The following PIK3R3 variants were observed in gnomAD, a reference collection of about 807,000 sequenced individuals.
PIK3R3 encodes the protein phosphoinositide-3-kinase regulatory subunit 3, also known as phosphatidylinositol 3-kinase regulatory subunit gamma.
A neutral mutation model predicts 62.9 loss-of-function variants in PIK3R3; 64 were observed. The ratio of observed to expected loss-of-function variants is 1.02; its 90% confidence interval spans 0.83 to 1.25. PIK3R3 has a LOEUF of 1.25. Ranked by LOEUF, PIK3R3 falls within the 50% of genes most tolerant of loss-of-function variation. The pLI, the probability that PIK3R3 is intolerant of heterozygous loss-of-function variation, is 0.00. For missense variants in PIK3R3, 614 were observed against 561.6 expected, an observed-to-expected ratio of 1.09 and a Z score of -0.94; for synonymous variants, 165 against 189.0, an observed-to-expected ratio of 0.87 and a Z score of 1.04.
At chr1:46,137,616 ACC>A (rs1655977155), upstream of PIK3R3, among the ~76,000 whole-genome samples, 1 of 152,108 alleles carries the variant, frequency 6.6e-6, no homozygotes, top group African/African-American at 2.4e-5. Flanking sequence ...GCTCACACAG[ACC>A]CCTGTGCTGG....
the PIK3R3 span, among the ~76,000 whole-genome samples, chr1:46,156,962 C>T: frequency 6.6e-6 from 1 of 152,188 alleles, no homozygotes; most frequent in Admixed American, 6.5e-5. Flanking sequence ...CTGCAACTCC[C>T]TCCACTCCAA....
At chr1:46,130,689 TAC>T (rs1350775596) in intron 1 of PIK3R3, among the ~76,000 whole-genome samples, 1 of 152,178 alleles carries the variant, frequency 6.6e-6, no homozygotes, top group Non-Finnish European at 1.5e-5. Context: ...TTTCCAAAAA[TAC>T]AGTCTTATAA....
At chr1:46,066,847 A>C (rs1157831933) in intron 4 of PIK3R3, 64 bp downstream of exon 4, 1 of 1,262,436 alleles carries the variant, frequency 7.9e-7, no homozygotes, top group Non-Finnish European at 1.2e-6. Flanking sequence ...CTGGTAAATA[A>C]AATCAAATAA....
At chr1:46,114,396 C>T (rs894481914) in intron 1 of PIK3R3, among the ~76,000 whole-genome samples, 1 of 152,178 alleles carries the variant, frequency 6.6e-6, no homozygotes, top group Non-Finnish European at 1.5e-5. Flanking sequence ...TACCGCCTCC[C>T]CTCACTGGTA....
chr1:46,132,621 G>C lies in PIK3R3; in HGVS notation c.-669C>G, dbSNP rs1050193819. ...ACCCGACCGCACCAACTGCCCTCAA[G>C]CTCTGCCCGGACTCCAGCCACTAGA... On this transcript the variant is annotated 5_prime_UTR_variant, in exon 1 of 10. Coordinates refer to ENST00000262741, the MANE Select transcript of PIK3R3 (RefSeq NM_003629.4). 1.1e-5 allele frequency: 14 copies of C among 1,289,552 alleles called. No homozygotes were observed. Among genetic ancestry groups the C allele is most frequent in the Non-Finnish European group, 1.3e-5 (13 of 988,802 alleles). The allele number at this position is 1,289,552 out of a possible 1,614,324, so 79.9% of individuals were successfully genotyped here.
At chr1:46,060,116 A>T (rs1182437294) in intron 6 of PIK3R3, among the ~76,000 whole-genome samples, 1 of 151,718 alleles carries the variant, frequency 6.6e-6, no homozygotes, top group Admixed American at 6.6e-5. Context: ...AAATAAATAA[A>T]ACAAAACGTT....
At position 46,110,789 on chromosome 1, in the gene PIK3R3, T is replaced by A. The variant is rs905248070; in HGVS notation, c.106+21058A>T. Among the ~76,000 whole-genome samples, 11 of 151,416 alleles carry A rather than the reference T, an allele frequency of 7.3e-5. 1 individual carries two copies. The highest frequency in any genetic ancestry group is 5.3e-4 in the Admixed American group (8 of 15,178). The stretch of plus-strand genomic sequence containing the variant: ...GTGAAGATCCAAGAAGTAATTATGC[T>A]GAACAGCAGTGGAATTTTACTGAGA... On this transcript the variant is annotated intron_variant, in intron 1 of 9. Coordinates refer to ENST00000262741, the MANE Select transcript of PIK3R3 (RefSeq NM_003629.4).
intron 3 of PIK3R3, among the ~76,000 whole-genome samples, chr1:46,068,246 C>T (rs1649184283): frequency 6.6e-6 from 1 of 152,136 alleles, no homozygotes; most frequent in Non-Finnish European, 1.5e-5. Flanking sequence ...CTCACACATA[C>T]AATAATTGCA....
rs2149481975 is a variant in PIK3R3, at chr1:46,132,146, A to T, written c.-194T>A. The stretch of plus-strand genomic sequence containing the variant: ...CCTCTCTCCTACAGAACACAACAAA[A>T]TGCCCCCGAACTTTCAAGCTATGGG... On this transcript the variant is annotated 5_prime_UTR_variant, in exon 1 of 10. Transcript: ENST00000262741. 7.5e-7 allele frequency: 1 copy of T among 1,338,698 alleles called. No homozygotes were observed. Among genetic ancestry groups the T allele is most frequent in the Non-Finnish European group, 9.6e-7 (1 of 1,042,000 alleles). 82.9% of individuals were successfully genotyped at this position (1,338,698 alleles called of 1,614,324 possible).
the PIK3R3 span, among the ~76,000 whole-genome samples, chr1:46,165,759 T>TA: frequency 3.5e-4 from 12 of 34,528 alleles, no homozygotes; most frequent in Non-Finnish European, 7.2e-4. Flanking sequence ...TCCTTTTTTT[T>TA]TTTTTTTTTT....
Position 46,132,194 on chromosome 1 carries a change from C to T in PIK3R3, c.-242G>A, listed in dbSNP as rs886628932. ...GGGCTTTTCTCCTCAGAGGATTACA[C>T]AGAGGCTTGGGGGACGGAGAGCAGA... On this transcript the variant is annotated 5_prime_UTR_variant, in exon 1 of 10. The change creates a new upstream start codon in the 5' untranslated region. Coordinates refer to ENST00000262741, the MANE Select transcript of PIK3R3 (RefSeq NM_003629.4). 2.0e-5 allele frequency: 26 copies of T among 1,281,424 alleles called. No individual in the cohort carries two copies. The highest frequency in any genetic ancestry group is 3.0e-5 in the African/African-American group (2 of 66,272). 79.4% of individuals were successfully genotyped at this position (1,281,424 alleles called of 1,614,324 possible). A position where few individuals can be genotyped will look rare whatever the true frequency, so the allele number is the denominator to read the frequency against.
At chr1:46,064,482 AGT>A (rs1255186966) in intron 5 of PIK3R3, among the ~76,000 whole-genome samples, 1 of 152,158 alleles carries the variant, frequency 6.6e-6, no homozygotes, top group Non-Finnish European at 1.5e-5. Context: ...CGGAGGTTGC[AGT>A]GAGCTGAGAT....
the PIK3R3 span, among the ~76,000 whole-genome samples, chr1:46,174,524 T>C: frequency 1.3e-5 from 2 of 152,120 alleles, no homozygotes; most frequent in Non-Finnish European, 2.9e-5. Flanking sequence ...GGTCTCAGGG[T>C]TCACTCCCTT....
chr1:46,154,404 C>CA, the PIK3R3 span, among the ~76,000 whole-genome samples: 6 of 151,730 alleles, frequency 4.0e-5, no homozygotes, highest in Admixed American at 1.3e-4. Context: ...CCCAACTCCA[C>CA]AAAAAAATAA....
chr1:46,050,841 T>C (rs1044177581), intron 7 of PIK3R3, among the ~76,000 whole-genome samples: 15 of 152,162 alleles, frequency 9.9e-5, no homozygotes, highest in Non-Finnish European at 2.9e-5. Flanking sequence ...CAAAATGTGG[T>C]ATAACTATAC....
chr1:46,151,848 A>G, the PIK3R3 span, among the ~76,000 whole-genome samples: 1 of 152,200 alleles, frequency 6.6e-6, no homozygotes, highest in Non-Finnish European at 1.5e-5. Flanking sequence ...CTTGCTGGGT[A>G]TCTACAATCA....
At chr1:46,058,894 A>G (rs963970226) in intron 6 of PIK3R3, among the ~76,000 whole-genome samples, 1 of 152,168 alleles carries the variant, frequency 6.6e-6, no homozygotes, top group African/African-American at 2.4e-5. Context: ...TCTGAAATGT[A>G]AAGATAAAGG....
chr1:46,069,380 G>A (rs139717916), intron 3 of PIK3R3, among the ~76,000 whole-genome samples: 2,320 of 152,142 alleles, frequency 0.015, 39 homozygotes, highest in Non-Finnish European at 0.023. Flanking sequence ...TTAGCCTGGC[G>A]TGGTGGAGGG....
At chr1:46,111,129 T>C (rs2149454738) in intron 1 of PIK3R3, among the ~76,000 whole-genome samples, 1 of 152,238 alleles carries the variant, frequency 6.6e-6, no homozygotes, top group African/African-American at 2.4e-5. Flanking sequence ...ATGTATAGAG[T>C]ACCTGCTATA....
Sources: gnomAD v4.1 joint callset for allele counts (sites outside exome capture counted in the v4.1 genomes callset) on GRCh38, gnomAD v4.1.1 for gene constraint, MANE v1.5 for transcripts, NCBI Gene and HGNC (gene_info 2026-07-23, HGNC 2026-07-21) for gene names.